The following IMMP1L variants were observed in gnomAD, a reference collection of about 807,000 sequenced individuals.
The protein encoded by IMMP1L is mitochondrial inner membrane protease subunit 1.
Under a neutral mutation model 21.8 loss-of-function variants are expected in IMMP1L, and 24 were observed. That is an observed-to-expected ratio of 1.10 (90% CI 0.80 to 1.55). IMMP1L has a LOEUF of 1.55. Among genes scored for constraint, IMMP1L ranks in the 40% most tolerant of loss-of-function variants. The probability of loss-of-function intolerance (pLI) is 0.00; values close to 1 mark genes in which losing one functional copy is unlikely to be tolerated. For missense variants in IMMP1L, 195 were observed against 200.7 expected (o/e 0.97, Z 0.17); for synonymous variants, 46 against 62.8 (o/e 0.73, Z 1.26).
At chr11:31,485,591 C>G (rs780323054) in intron 1 of IMMP1L, among the ~76,000 whole-genome samples, 8 of 151,812 alleles carry the variant, frequency 5.3e-5, no homozygotes, top group Non-Finnish European at 8.9e-5. Flanking sequence ...GCAGATGTGA[C>G]AGAACCATAC....
At chr11:31,444,003 T>C (rs1264787509) in intron 4 of IMMP1L, among the ~76,000 whole-genome samples, 1 of 152,178 alleles carries the variant, frequency 6.6e-6, no homozygotes, top group Admixed American at 6.5e-5. Context: ...AGCTCTTTCA[T>C]CTTCTCCCTA....
intron 4 of IMMP1L, among the ~76,000 whole-genome samples, chr11:31,441,917 C>T (rs1027964596): frequency 5.9e-5 from 9 of 152,032 alleles, no homozygotes; most frequent in Non-Finnish European, 1.0e-4. Flanking sequence ...TTGTTCATTA[C>T]GTCTCATAAT....
At chr11:31,459,878 T>C (rs1954076225) in intron 3 of IMMP1L, among the ~76,000 whole-genome samples, 1 of 152,146 alleles carries the variant, frequency 6.6e-6, no homozygotes. Context: ...TCAAATGGGC[T>C]GGGCACGGTG....
chr11:31,490,261 C>T (rs1955211019), intron 1 of IMMP1L, among the ~76,000 whole-genome samples: 1 of 152,106 alleles, frequency 6.6e-6, no homozygotes, highest in South Asian at 2.1e-4. Flanking sequence ...ATCACGAGGT[C>T]AAGAGATCGA....
chr11:31,479,091 CT>C (rs1316480279), intron 1 of IMMP1L, among the ~76,000 whole-genome samples: 1 of 151,904 alleles, frequency 6.6e-6, no homozygotes, highest in African/African-American at 2.4e-5. Context: ...ACACAAACAT[CT>C]GTCCAGAATA....
At position 31,456,340 on chromosome 11, in the gene IMMP1L, T is replaced by G. The variant is rs534709112; in HGVS notation, c.241A>C (p.Ile81Leu). The G allele has an allele frequency of 6.2e-7, 1 of 1,609,766 alleles. No homozygotes were observed. Residue 81 changes from isoleucine to leucine, a missense_variant, in exon 4 of 6, where the codon ATT (isoleucine) becomes CTT (leucine). By Grantham distance (5) the Ile-to-Leu change is conservative (BLOSUM62 2). Coordinates refer to ENST00000532287, the MANE Select transcript of IMMP1L (RefSeq NM_001304274.2). ...TCCAAACCAATTACTCTTTTACAAA[T>G]ATTTGATTTTGGATCACTTGGGCTT... ...AKSPSDPKSNICKRVIGLEGD... is the reference protein window; with the variant it reads ...AKSPSDPKSNLCKRVIGLEGD...
At chr11:31,469,145 T>C (rs1395372604) in intron 1 of IMMP1L, among the ~76,000 whole-genome samples, 1 of 152,124 alleles carries the variant, frequency 6.6e-6, no homozygotes, top group African/African-American at 2.4e-5. Flanking sequence ...ATTTAAAAAA[T>C]TGGGCTACTA....
At position 31,432,484 on chromosome 11, in the gene IMMP1L, A is replaced by G. The variant is rs1952939545; in HGVS notation, c.*16T>C. 6.3e-7 allele frequency: 1 copy of G among 1,590,034 alleles called. No homozygotes were observed. The highest frequency in any genetic ancestry group is 8.6e-7 in the Non-Finnish European group (1 of 1,159,558). ...TGAAAAGGAGACAATAATCAAGTCAAAAGAATAAATGCTTACTAATCATCA... is the reference window on the plus strand; with the variant it reads ...TGAAAAGGAGACAATAATCAAGTCAGAAGAATAAATGCTTACTAATCATCA... On this transcript the variant is annotated 3_prime_UTR_variant, in exon 6 of 6. Transcript: ENST00000532287.
intron 4 of IMMP1L, among the ~76,000 whole-genome samples, chr11:31,434,744 G>A (rs921320389): frequency 3.3e-5 from 5 of 152,164 alleles, no homozygotes; most frequent in South Asian, 2.1e-4. Context: ...TTAACTCTGC[G>A]TTTAGATACA....
At chr11:31,472,238 A>G (rs911784396) in intron 1 of IMMP1L, among the ~76,000 whole-genome samples, 1 of 152,232 alleles carries the variant, frequency 6.6e-6, no homozygotes, top group South Asian at 2.1e-4. Flanking sequence ...TTGGAGGGCC[A>G]TTATTCTACC....
intron 1 of IMMP1L, among the ~76,000 whole-genome samples, chr11:31,503,999 T>C (rs1955706158): frequency 6.6e-6 from 1 of 152,226 alleles, no homozygotes; most frequent in Non-Finnish European, 1.5e-5. Context: ...TTTCAATAAA[T>C]GGTGCTAGGT....
chr11:31,454,458 A>G (rs1953870942), intron 4 of IMMP1L, among the ~76,000 whole-genome samples: 1 of 150,474 alleles, frequency 6.6e-6, no homozygotes, highest in South Asian at 2.1e-4. Context: ...TCAAAAAAAA[A>G]AAAAAAAAAA....
At chr11:31,476,577 G>C (rs1041456194) in intron 1 of IMMP1L, among the ~76,000 whole-genome samples, 5 of 151,850 alleles carry the variant, frequency 3.3e-5, no homozygotes, top group African/African-American at 1.2e-4. Context: ...AAATGTTAAA[G>C]TTTAAAAACA....
chr11:31,438,953 C>T (rs943423667), intron 4 of IMMP1L, among the ~76,000 whole-genome samples: 2 of 152,154 alleles, frequency 1.3e-5, no homozygotes, highest in African/African-American at 4.8e-5. Flanking sequence ...ATACAGAATT[C>T]TGGATTGACA....
intron 1 of IMMP1L, among the ~76,000 whole-genome samples, chr11:31,478,811 T>A (rs1431394116): frequency 6.6e-6 from 1 of 152,302 alleles, no homozygotes; most frequent in East Asian, 1.9e-4. Context: ...ATTTCCTTGA[T>A]CATTTTATAA....
chr11:31,496,962 A>C (rs575508009), intron 1 of IMMP1L, among the ~76,000 whole-genome samples: 2 of 144,268 alleles, frequency 1.4e-5, no homozygotes, highest in African/African-American at 5.2e-5. Context: ...TATATCATAT[A>C]TATCATCTAT....
chr11:31,477,196 A>T (rs992436708), intron 1 of IMMP1L: 1 of 152,184 alleles, frequency 6.6e-6, no homozygotes, highest in African/African-American at 2.4e-5. Context: ...ATGACGAAAC[A>T]TATTATTTCA....
intron 1 of IMMP1L, among the ~76,000 whole-genome samples, chr11:31,482,150 A>C (rs1419417292): frequency 1.3e-5 from 2 of 152,046 alleles, no homozygotes; most frequent in African/African-American, 2.4e-5. Flanking sequence ...CATCGGCCTA[A>C]GTCCACCTCA....
intron 2 of IMMP1L, 69 bp from the exon 3 acceptor site, chr11:31,460,783 A>T: frequency 5.6e-6 from 6 of 1,066,888 alleles, no homozygotes; most frequent in Middle Eastern, 2.1e-4. Flanking sequence ...TCTTTTAAGC[A>T]AGCTTAAAAG....
Sources: gnomAD v4.1 joint callset for allele counts (sites outside exome capture counted in the v4.1 genomes callset) on GRCh38, gnomAD v4.1.1 for gene constraint, MANE v1.5 for transcripts, NCBI Gene and HGNC (gene_info 2026-07-23, HGNC 2026-07-21) for gene names.